SLC25A16: variants seen among roughly 807,000 people sequenced by gnomAD.
SLC25A16 encodes mitochondrial coenzyme A transporter SLC25A16.
SLC25A16 carries 39 observed loss-of-function variants against 41.5 expected under a neutral mutation model. The observed-to-expected ratio is 0.94, with a 90% CI of 0.73 to 1.23. SLC25A16 has a LOEUF of 1.23. Ranked by LOEUF, SLC25A16 falls within the 50% of genes most tolerant of loss-of-function variation. The probability of loss-of-function intolerance (pLI) is 0.00; values close to 1 mark genes in which losing one functional copy is unlikely to be tolerated. For missense variants in SLC25A16, 421 were observed against 426.9 expected (o/e 0.99, Z 0.12); for synonymous variants, 146 against 147.8 (o/e 0.99, Z 0.09).
intron 4 of SLC25A16, chr10:68,500,088 A>G (rs2795890): frequency 1 from 197,331 of 197,976 alleles, 98,345 homozygotes; most frequent in Middle Eastern, 1. Context: ...GTATTGGATT[A>G]TAGTTGTAGG....
At chr10:68,519,748 CTT>C (rs1289221948) in intron 1 of SLC25A16, among the ~76,000 whole-genome samples, 1 of 151,272 alleles carries the variant, frequency 6.6e-6, no homozygotes, top group Non-Finnish European at 1.5e-5. Context: ...AACCCCATCT[CTT>C]CTAAAAATAC....
At chr10:68,488,682 A>G in intron 6 of SLC25A16, 53 bp from the exon 7 acceptor site, 1 of 1,363,506 alleles carries the variant, frequency 7.3e-7, no homozygotes, top group Non-Finnish European at 1.0e-6. Flanking sequence ...ATGAGCTGTG[A>G]AAAAGACACC....
At position 68,493,512 on chromosome 10, in the gene SLC25A16, G is replaced by A. The variant is rs777119421; in HGVS notation, c.480C>T (p.Phe160=). Residue 160 remains phenylalanine, a synonymous_variant, in exon 5 of 9, where the codon TTC becomes TTT. Transcript: ENST00000609923. ...PLDMVRVRLA[F]QVKGEHSYTG... Reference sequence around the variant, plus strand: ...TATAGCTGTGTTCCCCTTTCACCTGGAATGCTAGGCGGACCCTAACCATGT... The same window carrying A: ...TATAGCTGTGTTCCCCTTTCACCTGAAATGCTAGGCGGACCCTAACCATGT... 2.5e-6 allele frequency: 4 copies of A among 1,612,864 alleles called. No homozygotes were observed. The highest frequency in any genetic ancestry group is 3.4e-6 in the Non-Finnish European group (4 of 1,179,098).
chr10:68,495,790 A>G (rs1263830239), intron 4 of SLC25A16, among the ~76,000 whole-genome samples: 6 of 151,492 alleles, frequency 4.0e-5, no homozygotes, highest in African/African-American at 1.5e-4. Context: ...TCAAAAAAAA[A>G]AAAAAAAAAA....
At chr10:68,501,781 T>A (rs1325415651) in intron 4 of SLC25A16, among the ~76,000 whole-genome samples, 2 of 152,058 alleles carry the variant, frequency 1.3e-5, no homozygotes, top group African/African-American at 4.8e-5. Context: ...GCAAAAAAGT[T>A]ACGTGAGCGA....
intron 4 of SLC25A16, chr10:68,496,802 C>A (rs1212503171): frequency 4.8e-6 from 3 of 629,042 alleles, no homozygotes; most frequent in Non-Finnish European, 5.9e-6. Context: ...GAAATAAACA[C>A]AAAAGACTTT....
In SLC25A16 at chr10:68,479,001, C is replaced by A. The variant is rs1326339049; in HGVS notation, c.*4431G>T. On this transcript the variant is annotated 3_prime_UTR_variant, in exon 9 of 9. Transcript: ENST00000609923. ...TTGATCTCCTGACCACGTGATCCGC[C>A]CACCTTGGCCTCCCAAAGTGCTGGG... 6.6e-6 allele frequency: 1 copy of A among 152,128 alleles called. No individual in the cohort carries two copies. The highest frequency in any genetic ancestry group is 2.4e-5 in the African/African-American group (1 of 41,418). The allele number at this position is 152,128 out of a possible 1,614,324, so 9.4% of individuals were successfully genotyped here. A position where few individuals can be genotyped will look rare whatever the true frequency, so the allele number is the denominator to read the frequency against.
intron 2 of SLC25A16, among the ~76,000 whole-genome samples, chr10:68,513,285 T>C (rs1279821493): frequency 6.6e-6 from 1 of 151,344 alleles, no homozygotes; most frequent in African/African-American, 2.4e-5. Context: ...GGTGCATGCC[T>C]GTAGTCCCAG....
At chr10:68,507,621 AAAAT>A (rs2052980463) in intron 2 of SLC25A16, among the ~76,000 whole-genome samples, 1 of 152,188 alleles carries the variant, frequency 6.6e-6, no homozygotes, top group Admixed American at 6.6e-5. Context: ...TGACAAGTAA[AAAAT>A]ATATAGACAC....
chr10:68,514,682 CA>C (rs1445876287), intron 2 of SLC25A16, among the ~76,000 whole-genome samples: 23 of 152,030 alleles, frequency 1.5e-4, no homozygotes, highest in Admixed American at 1.5e-3. Context: ...TCACCAATGA[CA>C]AGTTATTGAA....
chr10:68,494,657 ACC>A (rs2052720035), intron 4 of SLC25A16, among the ~76,000 whole-genome samples: 1 of 147,780 alleles, frequency 6.8e-6, no homozygotes. Flanking sequence ...TGGACAGATC[ACC>A]TGAGGTCAGG....
chr10:68,501,505 A>G (rs377064469), intron 4 of SLC25A16, among the ~76,000 whole-genome samples: 11 of 151,702 alleles, frequency 7.3e-5, no homozygotes, highest in African/African-American at 2.2e-4. Flanking sequence ...ACAAAAAAAA[A>G]AGGAAAGTGA....
At chr10:68,516,717 C>T (rs1421832027) in intron 2 of SLC25A16, 34 bp downstream of exon 2, 1 of 1,395,410 alleles carries the variant, frequency 7.2e-7, no homozygotes, top group South Asian at 1.3e-5. Context: ...ACAATATTTT[C>T]ATTCATTTTT....
At chr10:68,499,874 G>A (rs2052811784) in intron 4 of SLC25A16, 1 of 549,018 alleles carries the variant, frequency 1.8e-6, no homozygotes, top group Non-Finnish European at 3.5e-6. Context: ...AACAAAGACG[G>A]CAAAAAGATT....
In SLC25A16 at chr10:68,503,634, G is replaced by T; in HGVS notation, c.419C>A (p.Ala140Glu). ...AAAATATACCTAACTCCTCTTACCT[G>T]CCATGGATCCAGCCATTAATCTGTG... ...HVHRLMAGSM[A>E]GMTAVICTYP... Residue 140 changes from alanine (A) to glutamate (E), a missense_variant and splice_region_variant, in exon 4 of 9, where the codon GCA (alanine) becomes GAA (glutamate). Physicochemically the swap from Ala to Glu is moderately radical, Grantham distance 107. Transcript: ENST00000609923. 2 of 1,584,020 alleles carry T rather than the reference G, an allele frequency of 1.3e-6. No individual in the cohort carries two copies. The highest frequency in any genetic ancestry group is 1.7e-6 in the Non-Finnish European group (2 of 1,157,296).
Position 68,479,245 on chromosome 10 carries a change from T to G in SLC25A16, c.*4187A>C, listed in dbSNP as rs2052458551. The G allele has an allele frequency of 6.6e-6, 1 of 152,196 alleles. No homozygotes were observed. Among genetic ancestry groups the G allele is most frequent in the African/African-American group, 2.4e-5 (1 of 41,446 alleles). 9.4% of individuals were successfully genotyped at this position (152,196 alleles called of 1,614,324 possible). A position where few individuals can be genotyped will look rare whatever the true frequency, so the allele number is the denominator to read the frequency against. Reference sequence around the variant, plus strand: ...CCTTCTACCCACCAGTAAACATCACTGAGTACCACTCTGACGCCATACCCT... The same window carrying G: ...CCTTCTACCCACCAGTAAACATCACGGAGTACCACTCTGACGCCATACCCT... On this transcript the variant is annotated 3_prime_UTR_variant, in exon 9 of 9. Coordinates refer to ENST00000609923, the MANE Select transcript of SLC25A16 (RefSeq NM_152707.4).
Position 68,524,124 on chromosome 10 carries a change from T to C in SLC25A16, c.130+3122A>G, listed in dbSNP as rs1035504940. Among the ~76,000 whole-genome samples, 123 of 150,896 alleles carry C rather than the reference T, an allele frequency of 8.2e-4. 1 individual carries two copies. The highest frequency in any genetic ancestry group is 1.6e-3 in the African/African-American group (65 of 41,048). On this transcript the variant is annotated intron_variant, in intron 1 of 8. Transcript: ENST00000609923. ...AGGAGATCGAGACCATCCTGGCTAA[T>C]ATGGTGAAACCCCGTCTCTACTAAA...
chr10:68,486,982 AGAAC>A, intron 8 of SLC25A16, 158 bp downstream of exon 8: 3 of 354,328 alleles, frequency 8.5e-6, no homozygotes, highest in South Asian at 5.0e-5. Context: ...AAAAAAAAAA[AGAAC>A]CTGATTGCCT....
chr10:68,499,959 G>A, intron 4 of SLC25A16: 4 of 539,496 alleles, frequency 7.4e-6, no homozygotes, highest in South Asian at 3.4e-5. Flanking sequence ...TTGAGAAGAG[G>A]CAGGAATAAA....
Sources: allele counts gnomAD v4.1 joint callset (sites outside exome capture counted in the v4.1 genomes callset), GRCh38; gene constraint gnomAD v4.1.1; transcripts MANE v1.5; gene names NCBI Gene and HGNC (gene_info 2026-07-23, HGNC 2026-07-21).